SMCR8: variants seen among roughly 807,000 people sequenced by gnomAD.
The protein encoded by SMCR8 is guanine nucleotide exchange protein SMCR8.
Under a neutral mutation model 56.6 loss-of-function variants are expected in SMCR8, and 30 were observed. The observed-to-expected ratio is 0.53, with a 90% CI of 0.40 to 0.72. The LOEUF (loss-of-function observed/expected upper bound fraction) is 0.72, where lower values mean the gene tolerates loss of function less well. SMCR8 is among the 30% of genes least tolerant of loss of function. The pLI is 0.00. For missense variants in SMCR8, 1,198 were observed against 1,157.0 expected (o/e 1.04, Z -0.51); for synonymous variants, 538 against 456.0 (o/e 1.18, Z -2.29).
intron 1 of SMCR8, among the ~76,000 whole-genome samples, chr17:18,319,121 C>T (rs1279341332): frequency 6.6e-6 from 1 of 152,196 alleles, no homozygotes; most frequent in Non-Finnish European, 1.5e-5. Context: ...TAAGATGAAA[C>T]TGTTGTGGGC....
rs1025593820 is a variant in SMCR8, at chr17:18,323,477, G to A, written c.*407G>A. 7 of 195,842 alleles carry A rather than the reference G, an allele frequency of 3.6e-5. No homozygotes were observed. The highest frequency in any genetic ancestry group is 1.1e-4 in the South Asian group (1 of 9,372). The allele number at this position is 195,842 out of a possible 1,614,324, so 12.1% of individuals were successfully genotyped here. A position where few individuals can be genotyped will look rare whatever the true frequency, so the allele number is the denominator to read the frequency against. On this transcript the variant is annotated 3_prime_UTR_variant, in exon 2 of 2. Transcript: ENST00000406438. ...CGGACACTTGAGTGGCAAAATGAAC[G>A]AGGGTGACAGCCAGGTAACTGTTGT...
chr17:18,319,969 A>G (rs1982449398), intron 1 of SMCR8, among the ~76,000 whole-genome samples: 1 of 152,172 alleles, frequency 6.6e-6, no homozygotes, highest in Non-Finnish European at 1.5e-5. Context: ...AGCCTTCCGA[A>G]GTACTGGGAT....
rs986431045 is a variant in SMCR8, at chr17:18,322,849, C to T, written c.2593C>T (p.His865Tyr). 5 of 1,613,898 alleles carry T rather than the reference C, an allele frequency of 3.1e-6. No homozygotes were observed. The Admixed American group carries it at 5.0e-5, about 16-fold the overall frequency. ...CAAGGCCTTCCTCTACACCTTCTGC[C>T]ACCACCTGCACCTGCCTACCCACGA... ...CSKAFLYTFCHHLHLPTHDKE... is the reference protein window; with the variant it reads ...CSKAFLYTFCYHLHLPTHDKE... The change falls in exon 2 of 2, where the codon CAC (histidine) becomes TAC (tyrosine). Residue 865 changes from histidine to tyrosine, a missense_variant. By Grantham distance (83) the His-to-Tyr change is moderately conservative (BLOSUM62 2). Coordinates refer to ENST00000406438, the MANE Select transcript of SMCR8 (RefSeq NM_144775.3).
intron 1 of SMCR8, among the ~76,000 whole-genome samples, chr17:18,319,505 G>T (rs890968841): frequency 6.6e-6 from 1 of 152,140 alleles, no homozygotes; most frequent in Admixed American, 6.5e-5. Context: ...TGAGCACCAC[G>T]GCCCAGAAGT....
Position 18,316,141 on chromosome 17 carries a change from G to C in SMCR8, c.352G>C (p.Val118Leu). 6.2e-7 allele frequency: 1 copy of C among 1,614,130 alleles called. No homozygotes were observed. Among genetic ancestry groups the C allele is most frequent in the Non-Finnish European group, 8.5e-7 (1 of 1,180,024 alleles). ...PGSAYPKLNF[V>L]EDSKVVLGDS... is the part of the protein sequence containing the mutation. ...ATCTGCCTACCCCAAGCTGAACTTCGTGGAGGACTCCAAGGTGGTGCTGGG... is the reference window on the plus strand; with the variant it reads ...ATCTGCCTACCCCAAGCTGAACTTCCTGGAGGACTCCAAGGTGGTGCTGGG... The change falls in exon 1 of 2, where the codon GTG becomes CTG. Residue 118 changes from valine (V) to leucine (L), a missense_variant. Physicochemically the swap from Val to Leu is conservative, Grantham distance 32. Transcript: ENST00000406438.
At position 18,316,501 on chromosome 17, in the gene SMCR8, A is replaced by G. The variant is rs1188436986; in HGVS notation, c.712A>G (p.Ser238Gly). ...QAIEKANELA[S>G]VEKSIIEHQD... ...AATTGAGAAAGCCAATGAACTGGCC[A>G]GTGTGGAGAAGTCCATCATTGAACA... The change falls in exon 1 of 2, where the codon AGT becomes GGT. Residue 238 changes from serine to glycine, a missense_variant. Ser to Gly is a moderately conservative substitution (Grantham distance 56, BLOSUM62 0). Coordinates refer to ENST00000406438, the MANE Select transcript of SMCR8 (RefSeq NM_144775.3). 3.7e-6 allele frequency: 6 copies of G among 1,614,086 alleles called. No homozygotes were observed. Among genetic ancestry groups the G allele is most frequent in the Non-Finnish European group, 5.1e-6 (6 of 1,180,048 alleles).
chr17:18,319,765 G>C (rs532258854), intron 1 of SMCR8, among the ~76,000 whole-genome samples: 1 of 152,264 alleles, frequency 6.6e-6, no homozygotes, highest in Admixed American at 6.5e-5. Context: ...CTGTTGCCCA[G>C]GCTGGAGTGC....
chr17:18,317,160 CCT>C lies in SMCR8; in HGVS notation c.1372_1373del (p.Leu458GlyfsTer12), dbSNP rs1340805237. The C allele has an allele frequency of 6.2e-7, 1 of 1,613,968 alleles. No individual in the cohort carries two copies. The highest frequency in any genetic ancestry group is 1.3e-5 in the African/African-American group (1 of 74,880). The part of the protein sequence containing the change: ...SFDPQENLDY[L>X]DMDMKGSISS... Reference sequence around the variant, plus strand: ...TCGACCCCCAGGAAAACTTGGACTACCTGGATATGGATATGAAAGGGAGTATC... The same window carrying C: ...TCGACCCCCAGGAAAACTTGGACTACGGATATGGATATGAAAGGGAGTATC... On this transcript the variant is annotated frameshift_variant, in exon 1 of 2. Transcript: ENST00000406438. LOFTEE classifies it high-confidence loss of function.
Position 18,316,941 on chromosome 17 carries a change from G to A in SMCR8, c.1152G>A (p.Glu384=). Residue 384 remains glutamate, a synonymous_variant, in exon 1 of 2, where the codon GAG becomes GAA. Transcript: ENST00000406438. ...DFVEVDDRMV[E]KQESIPSKPS... ...TGGAGGTCGATGACAGGATGGTGGA[G>A]AAACAAGAAAGCATACCCTCTAAGC... 2 of 1,614,226 alleles carry A rather than the reference G, an allele frequency of 1.2e-6. No homozygotes were observed. Among genetic ancestry groups the A allele is most frequent in the Non-Finnish European group, 1.7e-6 (2 of 1,180,044 alleles).
intron 1 of SMCR8, among the ~76,000 whole-genome samples, chr17:18,319,193 G>C (rs1194344395): frequency 3.3e-5 from 5 of 152,216 alleles, no homozygotes; most frequent in Non-Finnish European, 1.5e-5. Context: ...ACCACTCGCT[G>C]TCTGGATTCG....
intron 1 of SMCR8, 86 bp from the exon 2 acceptor site, chr17:18,322,531 G>A: frequency 1.6e-6 from 2 of 1,233,924 alleles, no homozygotes; most frequent in Non-Finnish European, 2.3e-6. Flanking sequence ...ATGCTGGCCT[G>A]GGGACAGGAG....
intron 1 of SMCR8, among the ~76,000 whole-genome samples, chr17:18,318,694 G>A (rs893268043): frequency 2.6e-5 from 4 of 152,140 alleles, no homozygotes; most frequent in Non-Finnish European, 4.4e-5. Context: ...GTGAGCCACC[G>A]TGCCTGGCCG....
Position 18,316,804 on chromosome 17 carries a change from A to T in SMCR8, c.1015A>T (p.Ser339Cys), listed in dbSNP as rs768510667. ...TTTCACCCAGACCCTGGCTCAGCTC[A>T]GCCACATTGAACACATGTTCAGAGG... is the stretch of plus-strand genomic sequence containing the variant. ...EYFTQTLAQL[S>C]HIEHMFRGDL... is the part of the protein sequence containing the mutation. Residue 339 changes from serine to cysteine, a missense_variant, in exon 1 of 2, where the codon AGC becomes TGC. Transcript: ENST00000406438. The T allele has an allele frequency of 6.2e-7, 1 of 1,614,246 alleles. No individual in the cohort carries two copies. Among genetic ancestry groups the T allele is most frequent in the Non-Finnish European group, 8.5e-7 (1 of 1,180,042 alleles).
chr17:18,317,112 G>T lies in SMCR8; in HGVS notation c.1323G>T (p.Val441=). 1 of 1,614,202 alleles carries T rather than the reference G, an allele frequency of 6.2e-7. No individual in the cohort carries two copies. Among genetic ancestry groups the T allele is most frequent in the Non-Finnish European group, 8.5e-7 (1 of 1,180,044 alleles). The stretch of plus-strand genomic sequence containing the variant: ...TGGGAGATGAGGAGTACAAGGAAGT[G>T]GAAGTGACTGAGTTGAGCAGTTTCG... ...QELGDEEYKE[V]EVTELSSFDP... Residue 441 remains valine, a synonymous_variant, in exon 1 of 2, where the codon GTG becomes GTT. Coordinates refer to ENST00000406438, the MANE Select transcript of SMCR8 (RefSeq NM_144775.3).
chr17:18,327,503 G>C lies in SMCR8; in HGVS notation c.*4433G>C, dbSNP rs1207680136. ...CAGCAGCTGCTCCACCCACAATAAA[G>C]CAAACGCCGACAGGCTAGACCCCAG... On this transcript the variant is annotated 3_prime_UTR_variant, in exon 2 of 2. Coordinates refer to ENST00000406438, the MANE Select transcript of SMCR8 (RefSeq NM_144775.3). 2 of 152,224 alleles carry C rather than the reference G, an allele frequency of 1.3e-5. No homozygotes were observed. The highest frequency in any genetic ancestry group is 2.9e-5 in the Non-Finnish European group (2 of 68,056). The allele number at this position is 152,224 out of a possible 1,614,324, so 9.4% of individuals were successfully genotyped here. A position where few individuals can be genotyped will look rare whatever the true frequency, so the allele number is the denominator to read the frequency against.
Position 18,317,981 on chromosome 17 carries a change from G to A in SMCR8, c.2192G>A (p.Arg731Lys). Residue 731 changes from arginine to lysine, a missense_variant, in exon 1 of 2, where the codon AGG becomes AAG. Physicochemically the swap from Arg to Lys is conservative, Grantham distance 26. Transcript: ENST00000406438. ...HPAIYSLLSG[R>K]TLVVLGEDEA... is the part of the protein sequence containing the mutation. ...GCCATCTACTCCCTGCTCAGTGGGA[G>A]GACACTTGTGGTCCTGGGGGAAGAT... The A allele has an allele frequency of 6.2e-7, 1 of 1,614,268 alleles. No homozygotes were observed.
Position 18,316,756 on chromosome 17 carries a change from G to C in SMCR8, c.967G>C (p.Glu323Gln). 6.2e-7 allele frequency: 1 copy of C among 1,614,206 alleles called. No individual in the cohort carries two copies. Among genetic ancestry groups the C allele is most frequent in the East Asian group, 2.2e-5 (1 of 44,890 alleles). Residue 323 changes from glutamate to glutamine, a missense_variant, in exon 1 of 2, where the codon GAG becomes CAG. Coordinates refer to ENST00000406438, the MANE Select transcript of SMCR8 (RefSeq NM_144775.3). ...KCFDKKLKTL[E>Q]ELCDTEYFTQ... is the part of the protein sequence containing the mutation. ...TTTTGACAAGAAGTTGAAGACCTTGGAGGAGCTCTGTGACACTGAATATTT... is the reference window on the plus strand; with the variant it reads ...TTTTGACAAGAAGTTGAAGACCTTGCAGGAGCTCTGTGACACTGAATATTT...
chr17:18,317,699 C>A lies in SMCR8; in HGVS notation c.1910C>A (p.Pro637His). 6.2e-7 allele frequency: 1 copy of A among 1,614,072 alleles called. No homozygotes were observed. The highest frequency in any genetic ancestry group is 8.5e-7 in the Non-Finnish European group (1 of 1,180,006). The change falls in exon 1 of 2, where the codon CCT becomes CAT. Residue 637 changes from proline (P) to histidine (H), a missense_variant. Pro to His is a moderately conservative substitution (Grantham distance 77). Coordinates refer to ENST00000406438, the MANE Select transcript of SMCR8 (RefSeq NM_144775.3). ...RVDFSVENAN[P>H]SSRDNSCEGF... ...GACTTTTCAGTGGAAAATGCCAACC[C>A]TTCTTCCCGAGACAACAGTTGTGAA...
Position 18,322,706 on chromosome 17 carries a change from TGC to T in SMCR8, c.2453_2454del (p.Arg818LeufsTer79). 1 of 1,614,218 alleles carries T rather than the reference TGC, an allele frequency of 6.2e-7. No individual in the cohort carries two copies. Among genetic ancestry groups the T allele is most frequent in the Non-Finnish European group, 8.5e-7 (1 of 1,180,038 alleles). On this transcript the variant is annotated frameshift_variant, in exon 2 of 2. Transcript: ENST00000406438. LOFTEE classifies it high-confidence loss of function. ...ATCCTGGACCTTGACAACAAAACCC[TGC>T]GCTGCCCCCTTTACAGAGGCACCCT...
Sources: gnomAD v4.1 joint callset for allele counts (sites outside exome capture counted in the v4.1 genomes callset) on GRCh38, gnomAD v4.1.1 for gene constraint, MANE v1.5 for transcripts, NCBI Gene and HGNC (gene_info 2026-07-23, HGNC 2026-07-21) for gene names.